SGSM3: variants seen among roughly 807,000 people sequenced by gnomAD.
SGSM3 encodes small G protein signaling modulator 3.
Under a neutral mutation model 100.5 loss-of-function variants are expected in SGSM3, and 96 were observed. That is an observed-to-expected ratio of 0.96 (90% confidence interval 0.81 to 1.13). The LOEUF is 1.13. Ranked by LOEUF, SGSM3 falls within the 50% of genes most tolerant of loss-of-function variation. The pLI, the probability that SGSM3 is intolerant of heterozygous loss-of-function variation, is 0.00. For missense variants in SGSM3, 1,001 were observed against 1,015.8 expected (o/e 0.99, Z 0.20); for synonymous variants, 483 against 422.8 (o/e 1.14, Z -1.75).
At chr22:40,397,000 T>G (rs2050133771) in intron 1 of SGSM3, among the ~76,000 whole-genome samples, 1 of 152,226 alleles carries the variant, frequency 6.6e-6, no homozygotes. Context: ...GTTTTTCAAC[T>G]TTCTGCCTCT....
chr22:40,408,907 G>GTGAC lies in SGSM3; in HGVS notation c.1903-25_1903-22dup, dbSNP rs1485765706. On this transcript the variant is annotated intron_variant, in intron 18 of 21. Transcript: ENST00000248929. ...GGGGTTAGCCTGTGGGGGAGCCTGAGTGACAGCTGACGGTGCCGTTCCCAG... is the reference window on the plus strand; with the variant it reads ...GGGGTTAGCCTGTGGGGGAGCCTGAGTGACTGACAGCTGACGGTGCCGTTCCCAG... 6 of 1,613,904 alleles carry GTGAC rather than the reference G, an allele frequency of 3.7e-6. No individual in the cohort carries two copies. The South Asian group carries it at 6.6e-5, about 18-fold the overall frequency.
rs1429706116 is a variant in SGSM3, at chr22:40,410,207, T to G, written c.*448T>G. 4 of 1,060,470 alleles carry G rather than the reference T, an allele frequency of 3.8e-6. No individual in the cohort carries two copies. The highest frequency in any genetic ancestry group is 4.6e-6 in the Non-Finnish European group (4 of 877,234). The allele number at this position is 1,060,470 out of a possible 1,614,324, so 65.7% of individuals were successfully genotyped here. On this transcript the variant is annotated 3_prime_UTR_variant, in exon 22 of 22. Transcript: ENST00000248929. ...GGTCTAGAAGGCACTGCGTGGCCCC[T>G]CAGATGCTGGGACACAACAGACCCG...
intron 1 of SGSM3, among the ~76,000 whole-genome samples, chr22:40,382,180 G>T (rs576482222): frequency 6.6e-6 from 1 of 152,248 alleles, no homozygotes; most frequent in South Asian, 2.1e-4. Flanking sequence ...AAAAGTAAGA[G>T]TTGAGAGGAG....
Position 40,408,139 on chromosome 22 carries a change from C to G in SGSM3, c.1629+19C>G, listed in dbSNP as rs1190311499. The G allele has an allele frequency of 6.2e-7, 1 of 1,610,440 alleles. No individual in the cohort carries two copies. The highest frequency in any genetic ancestry group is 2.2e-5 in the East Asian group (1 of 44,846). On this transcript the variant is annotated intron_variant, in intron 15 of 21. Coordinates refer to ENST00000248929, the MANE Select transcript of SGSM3 (RefSeq NM_015705.6). The stretch of plus-strand genomic sequence containing the variant: ...CAAAGAGGTGAGGGGGGTGGGCGGG[C>G]TAGGCACGGCTGGCACCCTTCTAGC...
intron 1 of SGSM3, among the ~76,000 whole-genome samples, chr22:40,385,106 A>C (rs556786729): frequency 2.6e-5 from 4 of 152,246 alleles, no homozygotes; most frequent in Admixed American, 2.6e-4. Flanking sequence ...TCAAGAAACC[A>C]AAGTAAGTCA....
chr22:40,374,151 T>G (rs905506541), intron 1 of SGSM3, among the ~76,000 whole-genome samples: 1 of 151,488 alleles, frequency 6.6e-6, no homozygotes. Context: ...GAGACGGGGC[T>G]TCACCGTGTT....
chr22:40,407,085 G>A lies in SGSM3; in HGVS notation c.1240+14G>A, dbSNP rs73885702. On this transcript the variant is annotated intron_variant, in intron 11 of 21. Coordinates refer to ENST00000248929, the MANE Select transcript of SGSM3 (RefSeq NM_015705.6). This position sits in a 1 kb window ranked among gnomAD's most constrained non-coding sequence, Gnocchi z 4.7. Reference sequence around the variant, plus strand: ...CTCTGCTCTTCGGTGAGAGCTCTGCGAGTGCCAGGCAGTGTGGGCATGCGG... The same window carrying A: ...CTCTGCTCTTCGGTGAGAGCTCTGCAAGTGCCAGGCAGTGTGGGCATGCGG... 3,325 of 1,600,858 alleles carry A rather than the reference G, an allele frequency of 2.1e-3. 62 individuals are homozygous for A. The African/African-American group carries it at 0.039, about 19-fold the overall frequency.
intron 21 of SGSM3, 26 bp downstream of exon 21, chr22:40,409,551 C>T (rs777844656): frequency 5.6e-6 from 9 of 1,611,860 alleles, no homozygotes; most frequent in Non-Finnish European, 7.6e-6. Context: ...CTCGTAGGGC[C>T]TGCACTGATG....
chr22:40,404,318 TG>T lies in SGSM3; in HGVS notation c.231del (p.Trp77CysfsTer43). 1 of 1,580,360 alleles carries T rather than the reference TG, an allele frequency of 6.3e-7. No homozygotes were observed. Among genetic ancestry groups the T allele is most frequent in the Non-Finnish European group, 8.6e-7 (1 of 1,162,338 alleles). Reference protein sequence around the residue: ...LMEDAPQRLRWQAHLEFTHNH... With the variant: ...LMEDAPQRLRXQAHLEFTHNH... ...GGAGGATGCTCCACAGAGGCTGCGG[TG>T]GCAGGCCCACCTGGAGTTCACCCAT... On this transcript the variant is annotated frameshift_variant, in exon 5 of 22. Transcript: ENST00000248929. LOFTEE classifies it high-confidence loss of function.
Position 40,405,568 on chromosome 22 carries a change from T to C in SGSM3, c.619-81T>C, listed in dbSNP as rs2051369321. 20 of 1,304,242 alleles carry C rather than the reference T, an allele frequency of 1.5e-5. No homozygotes were observed. The South Asian group carries it at 2.9e-4, about 19-fold the overall frequency. 80.8% of individuals were successfully genotyped at this position (1,304,242 alleles called of 1,614,324 possible). A position where few individuals can be genotyped will look rare whatever the true frequency, so the allele number is the denominator to read the frequency against. ...TGCCCCCCAAGAGGCTTTTGCTAAT[T>C]GGTCTCCCTAGGGTAGGGGCACCTT... On this transcript the variant is annotated intron_variant, in intron 7 of 21. Coordinates refer to ENST00000248929, the MANE Select transcript of SGSM3 (RefSeq NM_015705.6).
In SGSM3 at chr22:40,401,539, C is replaced by A; in HGVS notation, c.8-54C>A. 2.1e-6 allele frequency: 3 copies of A among 1,455,608 alleles called. No homozygotes were observed. The South Asian group carries it at 3.4e-5, about 17-fold the overall frequency. The allele number at this position is 1,455,608 out of a possible 1,614,324, so 90.2% of individuals were successfully genotyped here. ...GAGATTACAGGCGTGAGCCACTGCG[C>A]CTGGCCTGCCTCTGCATTTTCTTGA... On this transcript the variant is annotated intron_variant, in intron 2 of 21. Transcript: ENST00000248929.
intron 1 of SGSM3, among the ~76,000 whole-genome samples, chr22:40,400,201 AAATTTTTCTTC>A (rs1569191096): frequency 3.3e-5 from 5 of 152,234 alleles, no homozygotes; most frequent in African/African-American, 1.2e-4. Flanking sequence ...TGGCAAAAGT[AAATTTTTCTTC>A]AGTGCCAGGT....
chr22:40,404,479 A>G (rs761291575), intron 5 of SGSM3, 24 bp downstream of exon 5: 1 of 1,608,644 alleles, frequency 6.2e-7, no homozygotes, highest in Non-Finnish European at 8.5e-7. Context: ...AGGGACCCAC[A>G]GGGTGTTGAG....
At position 40,405,502 on chromosome 22, in the gene SGSM3, C is replaced by T. The variant is rs111345282; in HGVS notation, c.619-147C>T. ...CAAGGGATGTGAAAGTGAGGCAGGC[C>T]AAGGAAAGCAGCCCAGGGAAGGCCT... is the stretch of plus-strand genomic sequence containing the variant. On this transcript the variant is annotated intron_variant, in intron 7 of 21. Transcript: ENST00000248929. 37 of 886,042 alleles carry T rather than the reference C, an allele frequency of 4.2e-5. No individual in the cohort carries two copies. In the African/African-American group the frequency reaches 4.5e-4, roughly 11 times the overall value. The allele number at this position is 886,042 out of a possible 1,614,324, so 54.9% of individuals were successfully genotyped here. A position where few individuals can be genotyped will look rare whatever the true frequency, so the allele number is the denominator to read the frequency against.
In SGSM3 at chr22:40,401,252, A is replaced by AT. The variant is rs377058293; in HGVS notation, c.8-331dup. Among the ~76,000 whole-genome samples, 202 of 149,052 alleles carry AT rather than the reference A, an allele frequency of 1.4e-3. 1 individual carries two copies. The highest frequency in any genetic ancestry group is 4.2e-3 in the African/African-American group (170 of 40,502). Reference sequence around the variant, plus strand: ...TTTGAATTTTGCCTCTGCATTTTCTATTTTTTTTTTATTTTTTTGAGGCAG... The same window carrying AT: ...TTTGAATTTTGCCTCTGCATTTTCTATTTTTTTTTTTATTTTTTTGAGGCAG... On this transcript the variant is annotated intron_variant, in intron 2 of 21. Transcript: ENST00000248929.
rs757207399 is a variant in SGSM3, at chr22:40,409,293, C to T, written c.2032C>T (p.Leu678=). Residue 678 remains leucine, a synonymous_variant, in exon 20 of 22, where the codon CTG becomes TTG. Coordinates refer to ENST00000248929, the MANE Select transcript of SGSM3 (RefSeq NM_015705.6). ...GTGGCTGGAGGTGCTCTGCTCCAGC[C>T]TGCCCACCGTGGAGAAGTGGTACCA... The part of the protein sequence containing the change: ...HLWLEVLCSS[L]PTVEKWYQPW... 2 of 1,612,570 alleles carry T rather than the reference C, an allele frequency of 1.2e-6. No individual in the cohort carries two copies. Among genetic ancestry groups the T allele is most frequent in the African/African-American group, 2.7e-5 (2 of 74,918 alleles).
At chr22:40,374,349 G>A (rs76075068) in intron 1 of SGSM3, among the ~76,000 whole-genome samples, 2,472 of 152,352 alleles carry the variant, frequency 0.016, 33 homozygotes, top group Non-Finnish European at 0.024. Flanking sequence ...AATTGGTCTA[G>A]ACTGTAGTGT....
intron 1 of SGSM3, among the ~76,000 whole-genome samples, chr22:40,389,904 C>CAAAA (rs556479827): frequency 5.1e-5 from 3 of 58,506 alleles, no homozygotes; most frequent in Non-Finnish European, 9.8e-5. Flanking sequence ...AACTCCGTCT[C>CAAAA]AAAAAAAAAA....
intron 1 of SGSM3, among the ~76,000 whole-genome samples, chr22:40,397,445 C>A (rs2050186985): frequency 1.3e-5 from 2 of 152,104 alleles, no homozygotes; most frequent in Non-Finnish European, 2.9e-5. Context: ...CTGACCATTT[C>A]TCAGTGTTCC....
Sources: gnomAD v4.1 joint callset for allele counts (sites outside exome capture counted in the v4.1 genomes callset) on GRCh38, gnomAD v4.1.1 for gene constraint, Gnocchi (gnomAD v3.1) non-coding constraint, MANE v1.5 for transcripts, NCBI Gene and HGNC (gene_info 2026-07-23, HGNC 2026-07-21) for gene names.